NSMCE2: variants seen among roughly 807,000 people sequenced by gnomAD.
NSMCE2 encodes E3 SUMO-protein ligase NSE2.
NSMCE2 carries 24 observed loss-of-function variants against 23.8 expected under a neutral mutation model. That is an observed-to-expected ratio of 1.01 (90% CI 0.73 to 1.42). NSMCE2 has a LOEUF of 1.42. Ranked by LOEUF, NSMCE2 falls within the 40% of genes most tolerant of loss-of-function variation. The pLI, the probability that NSMCE2 is intolerant of heterozygous loss-of-function variation, is 0.00. For missense variants in NSMCE2, 284 were observed against 296.5 expected (o/e 0.96, Z 0.31); for synonymous variants, 92 against 94.1 (o/e 0.98, Z 0.13).
Position 125,206,398 on chromosome 8 carries a change from G to A in NSMCE2, c.418+24142G>A, listed in dbSNP as rs2130873636. On this transcript the variant is annotated intron_variant, in intron 5 of 7. Transcript: ENST00000287437. ...GACATCTGATTAGATTTGAACTTTA[G>A]GAAAGCAAGTCTGGTTGTGGTATAT... Among the ~76,000 whole-genome samples the A allele has an allele frequency of 1.3e-5, 2 of 152,296 alleles. 1 individual carries two copies. Among genetic ancestry groups the A allele is most frequent in the South Asian group, 4.1e-4 (2 of 4,824 alleles).
intron 5 of NSMCE2, among the ~76,000 whole-genome samples, chr8:125,283,769 G>T (rs1827784299): frequency 6.6e-6 from 1 of 152,176 alleles, no homozygotes; most frequent in South Asian, 2.1e-4. Flanking sequence ...TCAACATGTA[G>T]ACCCTAGAGG....
At chr8:125,348,121 A>T (rs1812856762) in intron 5 of NSMCE2, 1 of 152,212 alleles carries the variant, frequency 6.6e-6, no homozygotes, top group Non-Finnish European at 1.5e-5. Flanking sequence ...CCCTGAAGGC[A>T]AGGATTATTT....
At chr8:125,296,521 A>G (rs1828333711) in intron 5 of NSMCE2, among the ~76,000 whole-genome samples, 1 of 149,784 alleles carries the variant, frequency 6.7e-6, no homozygotes, top group Non-Finnish European at 1.5e-5. Context: ...CAGCCTCCCT[A>G]GTAGCTGGGA....
At chr8:125,096,634 C>CTTT (rs34656029) in intron 1 of NSMCE2, among the ~76,000 whole-genome samples, 1,006 of 80,412 alleles carry the variant, frequency 0.013, 38 homozygotes, top group Admixed American at 0.034. Flanking sequence ...GTGTGGAATC[C>CTTT]TTTTTTTTTT....
intron 5 of NSMCE2, among the ~76,000 whole-genome samples, chr8:125,246,624 A>AT (rs1286228295): frequency 2.0e-5 from 3 of 152,250 alleles, no homozygotes; most frequent in Non-Finnish European, 2.9e-5. Flanking sequence ...AATACTGTCA[A>AT]ACTTTGAAGG....
intron 5 of NSMCE2, among the ~76,000 whole-genome samples, chr8:125,237,657 CT>C (rs1489767106): frequency 1.3e-5 from 2 of 152,182 alleles, no homozygotes; most frequent in African/African-American, 4.8e-5. Context: ...AAGTCACATT[CT>C]TTTTTTCTCA....
At chr8:125,280,068 T>C (rs1311174417) in intron 5 of NSMCE2, among the ~76,000 whole-genome samples, 1 of 152,258 alleles carries the variant, frequency 6.6e-6, no homozygotes, top group Non-Finnish European at 1.5e-5. Context: ...ATCAACCAAA[T>C]GTTGGAGGAC....
intron 5 of NSMCE2, among the ~76,000 whole-genome samples, chr8:125,212,551 G>T (rs1824392557): frequency 6.6e-6 from 1 of 152,128 alleles, no homozygotes; most frequent in Non-Finnish European, 1.5e-5. Flanking sequence ...TGAGTGGAGG[G>T]TTCAGGTACG....
rs553634953 is a variant in NSMCE2, at chr8:125,107,319, G to GA, written c.157+4833dup. 4.2e-3 allele frequency among the ~76,000 whole-genome samples: 638 copies of GA among 151,022 alleles called. 4 individuals carry two copies. The highest frequency in any genetic ancestry group is 0.015 in the African/African-American group (613 of 41,052). Reference sequence around the variant, plus strand: ...CTCCTGCCTCAGCCTCCTGAGTCCTGAGTAGCTCGGATTACAGGTGCACAC... The same window carrying GA: ...CTCCTGCCTCAGCCTCCTGAGTCCTGAAGTAGCTCGGATTACAGGTGCACAC... On this transcript the variant is annotated intron_variant, in intron 3 of 7. Transcript: ENST00000287437.
Position 125,351,663 on chromosome 8 carries a change from A to G in NSMCE2, c.419-5556A>G, listed in dbSNP as rs1217816298. Among the ~76,000 whole-genome samples the G allele has an allele frequency of 2.6e-5, 4 of 152,180 alleles. No individual in the cohort carries two copies. In the East Asian group the frequency reaches 7.7e-4, roughly 29 times the overall value. On this transcript the variant is annotated intron_variant, in intron 5 of 7. Coordinates refer to ENST00000287437, the MANE Select transcript of NSMCE2 (RefSeq NM_173685.4). ...CTAAAGATTAAACTGATTTAATCCA[A>G]TTGTTGCTTTATTATAAAGCAAATG...
Position 125,343,244 on chromosome 8 carries a change from A to T in NSMCE2, c.419-13975A>T, listed in dbSNP as rs538141928. ...ACAGCGCTGAGCACTAACAGATGTG[A>T]CAACTTATAACACAGGTACTTCCTC... is the stretch of plus-strand genomic sequence containing the variant. On this transcript the variant is annotated intron_variant, in intron 5 of 7. Transcript: ENST00000287437. 2.6e-5 allele frequency among the ~76,000 whole-genome samples: 4 copies of T among 152,336 alleles called. No homozygotes were observed. In the South Asian group the frequency reaches 8.3e-4, roughly 32 times the overall value.
intron 5 of NSMCE2, among the ~76,000 whole-genome samples, chr8:125,325,954 A>G (rs1157221259): frequency 6.6e-6 from 1 of 151,784 alleles, no homozygotes; most frequent in Non-Finnish European, 1.5e-5. Flanking sequence ...CTCCGTCTCA[A>G]AATAAATAAA....
At chr8:125,299,190 G>A (rs1828453484) in intron 5 of NSMCE2, among the ~76,000 whole-genome samples, 1 of 152,176 alleles carries the variant, frequency 6.6e-6, no homozygotes, top group South Asian at 2.1e-4. Flanking sequence ...TGAAATGCAT[G>A]AGGTTATCAA....
chr8:125,292,125 A>G (rs920253153), intron 5 of NSMCE2, among the ~76,000 whole-genome samples: 12 of 152,082 alleles, frequency 7.9e-5, no homozygotes, highest in African/African-American at 2.7e-4. Flanking sequence ...GGGCTGGACA[A>G]AGGTATAGTT....
intron 5 of NSMCE2, among the ~76,000 whole-genome samples, chr8:125,247,962 C>T (rs576319751): frequency 6.6e-6 from 1 of 152,110 alleles, no homozygotes; most frequent in Non-Finnish European, 1.5e-5. Flanking sequence ...AAACAGACAA[C>T]TATTATAATA....
intron 3 of NSMCE2, among the ~76,000 whole-genome samples, chr8:125,133,674 GCAGAGGTTGCAGTGAGC>G (rs1819891913): frequency 6.6e-6 from 1 of 151,876 alleles, no homozygotes; most frequent in East Asian, 1.9e-4. Flanking sequence ...AACCTGGGAG[GCAGAGGTTGCAGTGAGC>G]CGAGATCACG....
intron 5 of NSMCE2, among the ~76,000 whole-genome samples, chr8:125,335,588 C>T (rs1830043383): frequency 6.6e-6 from 1 of 152,090 alleles, no homozygotes. Context: ...AACAAAGGAG[C>T]AAAATGGGGG....
intron 5 of NSMCE2, among the ~76,000 whole-genome samples, chr8:125,292,759 A>G (rs77714350): frequency 2.2e-3 from 333 of 152,316 alleles, no homozygotes; most frequent in African/African-American, 7.6e-3. Flanking sequence ...ATTCAGAAGA[A>G]AAATAAGAGC....
intron 5 of NSMCE2, among the ~76,000 whole-genome samples, chr8:125,314,828 TAA>T (rs1382995977): frequency 6.6e-6 from 1 of 152,182 alleles, no homozygotes; most frequent in East Asian, 1.9e-4. Flanking sequence ...AGCAATTAAG[TAA>T]AATGCTGGAT....
Sources: allele counts gnomAD v4.1 joint callset (sites outside exome capture counted in the v4.1 genomes callset), GRCh38; gene constraint gnomAD v4.1.1; transcripts MANE v1.5; gene names NCBI Gene and HGNC (gene_info 2026-07-23, HGNC 2026-07-21).